DNASE1: variants seen among roughly 807,000 people sequenced by gnomAD.
DNASE1 encodes deoxyribonuclease 1.
DNASE1 carries 40 observed loss-of-function variants against 33.9 expected under a neutral mutation model. The ratio of observed to expected loss-of-function variants is 1.18; its 90% CI spans 0.92 to 1.54. DNASE1 has a LOEUF of 1.54. Among genes scored for constraint, DNASE1 ranks in the 40% most tolerant of loss-of-function variants. The pLI is 0.00. For synonymous variants in DNASE1, 216 were observed against 160.0 expected (o/e 1.35, Z -2.64); for missense variants, 518 against 372.6 (o/e 1.39, Z -3.21).
At chr16:3,620,386 C>G (rs2041264970) in intron 1 of DNASE1, among the ~76,000 whole-genome samples, 1 of 151,138 alleles carries the variant, frequency 6.6e-6, no homozygotes, top group South Asian at 2.1e-4. Flanking sequence ...TATTTAGAGA[C>G]AGAGTACTCA....
chr16:3,657,875 C>T (rs777176268), intron 8 of DNASE1, 31 bp from the exon 9 acceptor site: 1 of 1,614,020 alleles, frequency 6.2e-7, no homozygotes, highest in South Asian at 1.1e-5. Flanking sequence ...CAGGTAGGCT[C>T]AGCCCAGACC....
upstream of DNASE1, among the ~76,000 whole-genome samples, chr16:3,641,751 C>T (rs2042029085): frequency 6.6e-6 from 1 of 152,096 alleles, no homozygotes; most frequent in Non-Finnish European, 1.5e-5. Flanking sequence ...GCTTGGGGCC[C>T]ATGGCCTCCC....
At chr16:3,624,364 C>T (rs141329173) in intron 1 of DNASE1, among the ~76,000 whole-genome samples, 63 of 151,768 alleles carry the variant, frequency 4.2e-4, no homozygotes, top group African/African-American at 1.2e-3. Flanking sequence ...ATGTTTTCTT[C>T]TAGAGTTTTT....
At chr16:3,659,125 C>T, downstream of DNASE1, 1 of 400,552 alleles carries the variant, frequency 2.5e-6, no homozygotes, top group Non-Finnish European at 4.5e-6. Context: ...ACAAAAGGAG[C>T]TTAGTACGTG....
chr16:3,646,466 G>A (rs913020736), intron 1 of DNASE1, among the ~76,000 whole-genome samples: 15 of 152,192 alleles, frequency 9.9e-5, no homozygotes, highest in Non-Finnish European at 1.8e-4. Context: ...CATATGGGCC[G>A]GCAGAGATGA....
intron 1 of DNASE1, among the ~76,000 whole-genome samples, chr16:3,616,231 C>G (rs1455360387): frequency 1.3e-5 from 2 of 152,176 alleles, no homozygotes; most frequent in South Asian, 2.1e-4. Context: ...TTTCAGACAG[C>G]AAAACTCCCC....
At chr16:3,618,723 C>T (rs1408839332) in intron 1 of DNASE1, among the ~76,000 whole-genome samples, 2 of 152,132 alleles carry the variant, frequency 1.3e-5, no homozygotes, top group African/African-American at 2.4e-5. Flanking sequence ...GAATGAAACT[C>T]CGTCAAAAAG....
At chr16:3,655,146 C>T (rs970740387) in intron 1 of DNASE1, 102 bp downstream of exon 1, 25 of 614,064 alleles carry the variant, frequency 4.1e-5, no homozygotes, top group African/African-American at 1.7e-4. Flanking sequence ...GAGGCTCCAG[C>T]GTCCCTCCCG....
chr16:3,612,261 G>T (rs1222548859), intron 1 of DNASE1, among the ~76,000 whole-genome samples: 1 of 152,106 alleles, frequency 6.6e-6, no homozygotes, highest in Non-Finnish European at 1.5e-5. Context: ...TTTGTTGTTT[G>T]TTTTTTGAGA....
intron 4 of DNASE1, 74 bp downstream of exon 4, chr16:3,656,259 C>G: frequency 6.7e-7 from 1 of 1,499,656 alleles, no homozygotes; most frequent in South Asian, 1.1e-5. Flanking sequence ...AGTAGTTTGT[C>G]CTATTAGTTT....
chr16:3,661,079 T>C (rs1261267720), downstream of DNASE1: 1 of 152,144 alleles, frequency 6.6e-6, no homozygotes, highest in African/African-American at 2.4e-5. Context: ...AAAAAGAAAC[T>C]TCATATACAA....
chr16:3,650,632 G>GAAAA (rs1567202998), upstream of DNASE1: 1 of 119,278 alleles, frequency 8.4e-6, no homozygotes. Flanking sequence ...AAAAGAAAAA[G>GAAAA]AAATCCCCCA....
chr16:3,632,954 A>C (rs151063708), intron 1 of DNASE1, among the ~76,000 whole-genome samples: 118 of 151,968 alleles, frequency 7.8e-4, no homozygotes, highest in African/African-American at 2.5e-3. Context: ...TTCTTTTAAC[A>C]TTTTTTGCAA....
chr16:3,624,695 T>G (rs914140186), intron 1 of DNASE1, among the ~76,000 whole-genome samples: 50 of 152,296 alleles, frequency 3.3e-4, no homozygotes, highest in African/African-American at 1.2e-3. Context: ...TCTTGTTTTT[T>G]GAGATGGAGT....
chr16:3,650,463 T>C (rs922109211), upstream of DNASE1, among the ~76,000 whole-genome samples: 9 of 152,218 alleles, frequency 5.9e-5, no homozygotes, highest in African/African-American at 1.9e-4. Context: ...AATGAGCTAT[T>C]TGAACATTGT....
chr16:3,618,812 T>C (rs941762496), intron 1 of DNASE1, among the ~76,000 whole-genome samples: 4 of 152,186 alleles, frequency 2.6e-5, no homozygotes, highest in African/African-American at 9.7e-5. Flanking sequence ...CAAAATGTAG[T>C]ATAGAATGGA....
chr16:3,636,423 T>A (rs150348280), intron 1 of DNASE1, among the ~76,000 whole-genome samples: 1 of 152,376 alleles, frequency 6.6e-6, no homozygotes, highest in Non-Finnish European at 1.5e-5. Context: ...CTGCTATTTC[T>A]GAGTCTGGGT....
upstream of DNASE1, among the ~76,000 whole-genome samples, chr16:3,638,883 T>C (rs1596601666): frequency 6.6e-6 from 1 of 152,248 alleles, no homozygotes; most frequent in East Asian, 1.9e-4. Flanking sequence ...TTATTTGGTG[T>C]TAATCCCATC....
intron 1 of DNASE1, among the ~76,000 whole-genome samples, chr16:3,613,705 C>T (rs552250400): frequency 5.4e-4 from 82 of 152,252 alleles, no homozygotes; most frequent in Non-Finnish European, 1.1e-3. Flanking sequence ...GACTGAGTGA[C>T]GACATGGAGA....
Sources: allele counts gnomAD v4.1 joint callset (sites outside exome capture counted in the v4.1 genomes callset), GRCh38; gene constraint gnomAD v4.1.1; transcripts MANE v1.5; gene names NCBI Gene and HGNC (gene_info 2026-07-23, HGNC 2026-07-21).